The following WDR12 variants were observed in gnomAD, a reference collection of about 807,000 sequenced individuals.
WDR12 encodes the protein WD repeat domain 12.
WDR12 carries 42 observed loss-of-function variants against 64.3 expected under a neutral mutation model. The observed-to-expected ratio is 0.65, with a 90% CI of 0.51 to 0.84. The LOEUF is 0.84. Ranked by LOEUF, WDR12 falls within the 40% of genes least tolerant of loss-of-function variation. The pLI, the probability that WDR12 is intolerant of heterozygous loss-of-function variation, is 0.00. For missense variants in WDR12, 469 were observed against 494.6 expected, an observed-to-expected ratio of 0.95 and a Z score of 0.49; for synonymous variants, 158 against 173.3, an observed-to-expected ratio of 0.91 and a Z score of 0.70.
intron 1 of WDR12, 33 bp downstream of exon 1, chr2:202,911,403 G>C: frequency 6.2e-7 from 1 of 1,610,928 alleles, no homozygotes; most frequent in Non-Finnish European, 8.5e-7. Context: ...AAGGAACCTG[G>C]GGAAGGGAGA....
chr2:202,899,752 T>C, intron 3 of WDR12, 115 bp from the exon 4 acceptor site: 4 of 851,448 alleles, frequency 4.7e-6, no homozygotes, highest in Non-Finnish European at 7.2e-6. Context: ...TAGTCCCCTT[T>C]ATAACTCAGC....
At chr2:202,907,776 G>T in intron 2 of WDR12, 89 bp downstream of exon 2, 1 of 1,012,940 alleles carries the variant, frequency 9.9e-7, no homozygotes, top group Non-Finnish European at 1.5e-6. Flanking sequence ...AATTCATACA[G>T]TATCATAAGG....
chr2:202,895,897 G>C, intron 6 of WDR12, 168 bp downstream of exon 6: 1 of 697,156 alleles, frequency 1.4e-6, no homozygotes, highest in Non-Finnish European at 2.3e-6. Context: ...AACTGAGCAA[G>C]TGACTATCTC....
At chr2:202,907,671 ATT>A (rs1688483373) in intron 2 of WDR12, among the ~76,000 whole-genome samples, 192 bp downstream of exon 2, 1 of 152,104 alleles carries the variant, frequency 6.6e-6, no homozygotes, top group African/African-American at 2.4e-5. Context: ...TTAAACAGAA[ATT>A]TTTTTCTGAA....
intron 2 of WDR12, among the ~76,000 whole-genome samples, chr2:202,904,579 T>C (rs939996466): frequency 6.6e-6 from 1 of 151,860 alleles, no homozygotes; most frequent in Non-Finnish European, 1.5e-5. Context: ...GAACAGCCAG[T>C]CTCTTCAATA....
intron 7 of WDR12, among the ~76,000 whole-genome samples, chr2:202,893,325 AAAACGTTT>A: frequency 1.3e-5 from 2 of 152,164 alleles, no homozygotes; most frequent in Non-Finnish European, 2.9e-5. Flanking sequence ...GTAAAACATT[AAAACGTTT>A]TGTGGCTTTT....
In WDR12 at chr2:202,899,687, A is replaced by G. The variant is rs774956913; in HGVS notation, c.232-50T>C. The G allele has an allele frequency of 2.6e-5, 39 of 1,519,492 alleles. No homozygotes were observed. In the East Asian group the frequency reaches 8.8e-4, roughly 34 times the overall value. The allele number at this position is 1,519,492 out of a possible 1,614,324, so 94.1% of individuals were successfully genotyped here. On this transcript the variant is annotated intron_variant, in intron 3 of 12. Transcript: ENST00000261015. ...AAGTCAGGTGGTCTAGTTTTAAAAT[A>G]TTACATTATGAAGATAACCCCCAAT...
At chr2:202,895,953 C>T (rs983849638) in intron 6 of WDR12, 112 bp downstream of exon 6, 19 of 1,253,802 alleles carry the variant, frequency 1.5e-5, no homozygotes, top group Middle Eastern at 2.6e-4. Context: ...TATCTTTTGT[C>T]ACCGATTGTT....
At chr2:202,898,731 T>C (rs1486515630) in intron 4 of WDR12, among the ~76,000 whole-genome samples, 1 of 152,172 alleles carries the variant, frequency 6.6e-6, no homozygotes, top group African/African-American at 2.4e-5. Context: ...GCTATAAAAG[T>C]TACTTTTTTC....
intron 4 of WDR12, among the ~76,000 whole-genome samples, chr2:202,899,107 A>C (rs895322023): frequency 2.0e-4 from 25 of 126,860 alleles, no homozygotes; most frequent in African/African-American, 7.9e-4. Flanking sequence ...CAGTGGGGCC[A>C]TCTCAGCTCA....
At chr2:202,894,654 A>G in intron 6 of WDR12, 28 bp from the exon 7 acceptor site, 1 of 1,577,414 alleles carries the variant, frequency 6.3e-7, no homozygotes, top group Non-Finnish European at 8.6e-7. Flanking sequence ...AAGGGAAAAG[A>G]CATATGTAAT....
chr2:202,901,804 A>AT (rs1688353620), intron 2 of WDR12, among the ~76,000 whole-genome samples: 1 of 152,090 alleles, frequency 6.6e-6, no homozygotes, highest in Non-Finnish European at 1.5e-5. Flanking sequence ...ATATCCTATA[A>AT]ACTAGTCAGA....
chr2:202,882,934 C>T, intron 11 of WDR12, 151 bp from the exon 12 acceptor site: 1 of 580,912 alleles, frequency 1.7e-6, no homozygotes, highest in African/African-American at 1.9e-5. Flanking sequence ...ATTTGATCAT[C>T]TCTCCTCTTT....
Position 202,878,326 on chromosome 2 carries a change from A to T in WDR12, c.*2534T>A, listed in dbSNP as rs190280215. ...ACATTTTAAATAACTGCCCTTAAGG[A>T]TCATTTGAAGACCATCCAAAACAGG... On this transcript the variant is annotated 3_prime_UTR_variant, in exon 13 of 13. Coordinates refer to ENST00000261015, the MANE Select transcript of WDR12 (RefSeq NM_018256.4). 9 of 152,298 alleles carry T rather than the reference A, an allele frequency of 5.9e-5. No homozygotes were observed. In the East Asian group the frequency reaches 1.7e-3, roughly 29 times the overall value. The allele number at this position is 152,298 out of a possible 1,614,324, so 9.4% of individuals were successfully genotyped here.
In WDR12 at chr2:202,883,706, T is replaced by A. The variant is rs768057739; in HGVS notation, c.1024A>T (p.Thr342Ser). 4.3e-6 allele frequency: 7 copies of A among 1,614,078 alleles called. No individual in the cohort carries two copies. In the South Asian group the frequency reaches 7.7e-5, roughly 18 times the overall value. The change falls in exon 11 of 13, where the codon ACT becomes TCT. Residue 342 changes from threonine to serine, a missense_variant. By Grantham distance (58) the Thr-to-Ser change is moderately conservative (BLOSUM62 1). Transcript: ENST00000261015. Reference sequence around the variant, plus strand: ...CATTTTACTGATGTCACCCAACCAGTATGTGACGTTAGGGACAGCGACACC... The same window carrying A: ...CATTTTACTGATGTCACCCAACCAGAATGTGACGTTAGGGACAGCGACACC... ...SLVSLSLTSHTGWVTSVKWSP... is the reference protein window; with the variant it reads ...SLVSLSLTSHSGWVTSVKWSP...
intron 8 of WDR12, among the ~76,000 whole-genome samples, chr2:202,889,070 A>C (rs1688101490): frequency 6.6e-6 from 1 of 152,152 alleles, no homozygotes; most frequent in Non-Finnish European, 1.5e-5. Context: ...TTCTGGCATG[A>C]CTTAAACTAA....
At chr2:202,888,661 C>T (rs192289394) in intron 8 of WDR12, among the ~76,000 whole-genome samples, 4 of 152,198 alleles carry the variant, frequency 2.6e-5, no homozygotes, top group African/African-American at 9.6e-5. Flanking sequence ...GAGAAGATAC[C>T]TATTTTTGAT....
At chr2:202,904,077 G>A (rs945161710) in intron 2 of WDR12, among the ~76,000 whole-genome samples, 2 of 138,826 alleles carry the variant, frequency 1.4e-5, no homozygotes, top group South Asian at 2.3e-4. Flanking sequence ...GGTGGAGGTC[G>A]CCATGAGGTG....
In WDR12 at chr2:202,899,648, G is replaced by C. The variant is rs376920521; in HGVS notation, c.232-11C>G. The C allele has an allele frequency of 1.2e-6, 2 of 1,611,222 alleles. No homozygotes were observed. Among genetic ancestry groups the C allele is most frequent in the Non-Finnish European group, 1.7e-6 (2 of 1,178,364 alleles). On this transcript the variant is annotated splice_polypyrimidine_tract_variant and intron_variant, in intron 3 of 12. Transcript: ENST00000261015. ...TTCCACAACTTCTTCCTAATCACAA[G>C]AGAAACCAGCAACAAGTCAGGTGGT...
Sources: allele counts gnomAD v4.1 joint callset (sites outside exome capture counted in the v4.1 genomes callset), GRCh38; gene constraint gnomAD v4.1.1; transcripts MANE v1.5; gene names NCBI Gene and HGNC (gene_info 2026-07-23, HGNC 2026-07-21).